Variants in SFRP1 observed in about 807,000 individuals in gnomAD.
The protein encoded by SFRP1 is secreted frizzled related protein 1.
Under a neutral mutation model 25.9 loss-of-function variants are expected in SFRP1, and 9 were observed. The observed-to-expected ratio is 0.35, with a 90% CI of 0.21 to 0.61. The LOEUF (loss-of-function observed/expected upper bound fraction) is 0.61, where lower values mean the gene tolerates loss of function less well. SFRP1 is among the 20% of genes least tolerant of loss of function. SFRP1 has a pLI of 0.78. For missense variants in SFRP1, 346 were observed against 418.2 expected (o/e 0.83, Z 1.51); for synonymous variants, 178 against 174.0 (o/e 1.02, Z -0.18).
At chr8:41,285,724 T>A (rs1036971918) in intron 2 of SFRP1, among the ~76,000 whole-genome samples, 1 of 151,524 alleles carries the variant, frequency 6.6e-6, no homozygotes, top group African/African-American at 2.4e-5. Context: ...TGCCAGGGAG[T>A]GCCCCTGCCA....
intron 2 of SFRP1, among the ~76,000 whole-genome samples, chr8:41,285,778 A>G (rs1803692464): frequency 6.6e-6 from 1 of 152,172 alleles, no homozygotes; most frequent in Non-Finnish European, 1.5e-5. Context: ...GGGACCTAGG[A>G]CAGACAGGCG....
chr8:41,296,866 G>A (rs925153484), intron 2 of SFRP1, among the ~76,000 whole-genome samples: 1 of 152,144 alleles, frequency 6.6e-6, no homozygotes, highest in Non-Finnish European at 1.5e-5. Flanking sequence ...CACAGCTCCC[G>A]CATTCAGCCC....
intron 2 of SFRP1, among the ~76,000 whole-genome samples, chr8:41,273,387 AG>A (rs58610071): frequency 0.33 from 50,551 of 151,616 alleles, 8,843 homozygotes; most frequent in Non-Finnish European, 0.38. Flanking sequence ...TCTACTCAGG[AG>A]GGCTGAGGCA....
chr8:41,272,787 C>T (rs576692827), intron 2 of SFRP1, among the ~76,000 whole-genome samples: 9 of 152,130 alleles, frequency 5.9e-5, no homozygotes, highest in Admixed American at 1.3e-4. Flanking sequence ...AGAAAACAAA[C>T]GGCAGAAAAT....
chr8:41,301,404 G>A (rs915452057), intron 2 of SFRP1, among the ~76,000 whole-genome samples: 1 of 152,064 alleles, frequency 6.6e-6, no homozygotes, highest in African/African-American at 2.4e-5. Context: ...ATTCTCTAAG[G>A]TGCTAAGAAG....
At chr8:41,267,727 T>C (rs1803454463) in intron 2 of SFRP1, among the ~76,000 whole-genome samples, 1 of 152,216 alleles carries the variant, frequency 6.6e-6, no homozygotes, top group Non-Finnish European at 1.5e-5. Flanking sequence ...AACTGAGGCA[T>C]AGGGGGTTAA....
At chr8:41,306,847 C>T (rs769681127) in intron 1 of SFRP1, 3 of 1,597,764 alleles carry the variant, frequency 1.9e-6, no homozygotes, top group South Asian at 2.2e-5. Flanking sequence ...TATGGGGTTT[C>T]CCCATCCCAT....
chr8:41,274,984 T>G (rs1803553894), intron 2 of SFRP1: 1 of 300,346 alleles, frequency 3.3e-6, no homozygotes, highest in African/African-American at 2.3e-5. Context: ...TTCTGCTTTC[T>G]CAACCAGCTT....
chr8:41,265,974 T>G (rs1803430226), intron 2 of SFRP1, among the ~76,000 whole-genome samples: 1 of 152,156 alleles, frequency 6.6e-6, no homozygotes, highest in Non-Finnish European at 1.5e-5. Flanking sequence ...GAGACCAGCC[T>G]GGCCAGCATG....
At chr8:41,283,961 C>T (rs1405393884) in intron 2 of SFRP1, among the ~76,000 whole-genome samples, 1 of 152,174 alleles carries the variant, frequency 6.6e-6, no homozygotes, top group African/African-American at 2.4e-5. Flanking sequence ...TCCATCCAAC[C>T]TACTGCTGTA....
At chr8:41,283,330 G>C (rs1218303215) in intron 2 of SFRP1, among the ~76,000 whole-genome samples, 1 of 152,112 alleles carries the variant, frequency 6.6e-6, no homozygotes, top group East Asian at 1.9e-4. Context: ...TTTAGGCCTT[G>C]TCCTGCGAAT....
intron 2 of SFRP1, among the ~76,000 whole-genome samples, chr8:41,266,471 T>A (rs1373486205): frequency 6.6e-6 from 1 of 152,146 alleles, no homozygotes; most frequent in Non-Finnish European, 1.5e-5. Context: ...GGTCTCACTC[T>A]ATTGCCCAGG....
chr8:41,272,519 G>T (rs1417543613), intron 2 of SFRP1, among the ~76,000 whole-genome samples: 1 of 152,230 alleles, frequency 6.6e-6, no homozygotes, highest in African/African-American at 2.4e-5. Flanking sequence ...TGAGGTAGGA[G>T]AATTGCTTGA....
intron 2 of SFRP1, chr8:41,298,224 T>G (rs958783624): frequency 2.0e-5 from 3 of 152,176 alleles, no homozygotes; most frequent in Non-Finnish European, 4.4e-5. Flanking sequence ...ATGGCCACCA[T>G]GCAAGGATAA....
In SFRP1 at chr8:41,308,862, G is replaced by A. The variant is rs1227823993; in HGVS notation, c.298C>T (p.Leu100=). The change falls in exon 1 of 3, where the codon CTG becomes TTG. Residue 100 remains leucine, a synonymous_variant. Coordinates refer to ENST00000220772, the MANE Select transcript of SFRP1 (RefSeq NM_003012.5). ...VKQQASSWVP[L]LNKNCHAGTQ... The stretch of plus-strand genomic sequence containing the variant: ...CCGGCGTGGCAGTTCTTGTTGAGCA[G>A]GGGCACCCAGCTGCTGGCCTGCTGC... 10 of 1,610,358 alleles carry A rather than the reference G, an allele frequency of 6.2e-6. No individual in the cohort carries two copies. The highest frequency in any genetic ancestry group is 1.1e-5 in the South Asian group (1 of 90,884).
rs1252497123 is a variant in SFRP1, at chr8:41,265,502, A to C, written c.623-13T>G. The C allele has an allele frequency of 6.3e-7, 1 of 1,575,998 alleles. No individual in the cohort carries two copies. On this transcript the variant is annotated splice_polypyrimidine_tract_variant and intron_variant, in intron 2 of 2. Transcript: ENST00000220772. ...TTCATCCTCAGTGCTAGAGATGGAG[A>C]GGACAGAAGAAGAGAAAAGAGGGTA...
chr8:41,269,481 T>G (rs887477054), intron 2 of SFRP1, among the ~76,000 whole-genome samples: 1 of 152,190 alleles, frequency 6.6e-6, no homozygotes, highest in African/African-American at 2.4e-5. Flanking sequence ...CTACTTGCAG[T>G]CACCCAAACC....
intron 2 of SFRP1, chr8:41,277,106 T>C (rs1205560473): frequency 4.5e-6 from 2 of 448,036 alleles, no homozygotes; most frequent in Admixed American, 2.4e-5. Context: ...TGATTTCATC[T>C]GGGAAGCCAC....
chr8:41,280,314 T>C (rs1162246348), intron 2 of SFRP1, among the ~76,000 whole-genome samples: 2 of 152,264 alleles, frequency 1.3e-5, no homozygotes, highest in Non-Finnish European at 2.9e-5. Context: ...GAAAAGTGTC[T>C]TGACCTGAGA....
Sources: gnomAD v4.1 joint callset for allele counts (sites outside exome capture counted in the v4.1 genomes callset) on GRCh38, gnomAD v4.1.1 for gene constraint, MANE v1.5 for transcripts, NCBI Gene and HGNC (gene_info 2026-07-23, HGNC 2026-07-21) for gene names.